Variants in PDE4D observed in about 807,000 individuals in gnomAD.
PDE4D encodes the protein 3',5'-cyclic-AMP phosphodiesterase 4D.
Under a neutral mutation model 87.4 loss-of-function variants are expected in PDE4D, and 24 were observed. The observed-to-expected ratio is 0.27, with a 90% CI of 0.20 to 0.39. The LOEUF (loss-of-function observed/expected upper bound fraction) is 0.39, where lower values mean the gene tolerates loss of function less well. Ranked by LOEUF, PDE4D falls within the 10% of genes least tolerant of loss-of-function variation. The pLI is 1.00. For synonymous variants in PDE4D, 384 were observed against 383.2 expected (o/e 1.00, Z -0.02); for missense variants, 714 against 1,041.0 (o/e 0.69, Z 4.32).
chr5:59,980,156 A>G (rs1761766288), intron 3 of PDE4D, among the ~76,000 whole-genome samples: 1 of 152,344 alleles, frequency 6.6e-6, no homozygotes, highest in Non-Finnish European at 1.5e-5. Flanking sequence ...TGTAAAACAG[A>G]ATAAAAAGGC....
intron 1 of PDE4D, among the ~76,000 whole-genome samples, chr5:60,469,347 C>A (rs1294227264): frequency 6.6e-6 from 1 of 152,002 alleles, no homozygotes; most frequent in Non-Finnish European, 1.5e-5. Context: ...GTCACCAGCT[C>A]CCCTTCATCT....
intron 1 of PDE4D, among the ~76,000 whole-genome samples, chr5:60,284,639 TC>T (rs774946153): frequency 1.3e-5 from 2 of 152,168 alleles, no homozygotes; most frequent in African/African-American, 2.4e-5. Flanking sequence ...CAGGACAGCC[TC>T]CCCATCACTA....
intron 1 of PDE4D, among the ~76,000 whole-genome samples, chr5:59,279,813 T>TTGTGTG (rs10664902): frequency 1.3e-4 from 19 of 148,364 alleles, no homozygotes; most frequent in African/African-American, 3.7e-4. Flanking sequence ...ATGTGTGTGT[T>TTGTGTG]TGTGTGTGTG....
chr5:59,795,998 G>A (rs994137120), intron 1 of PDE4D, among the ~76,000 whole-genome samples: 3 of 152,260 alleles, frequency 2.0e-5, no homozygotes, highest in Admixed American at 1.3e-4. Flanking sequence ...CTTGCCTCAC[G>A]GTTCTCAGAA....
At chr5:59,815,579 C>T (rs1456364920) in intron 1 of PDE4D, among the ~76,000 whole-genome samples, 1 of 152,160 alleles carries the variant, frequency 6.6e-6, no homozygotes, top group East Asian at 1.9e-4. Flanking sequence ...TGAGTTAATA[C>T]ATATAAAAGA....
At chr5:59,058,179 C>T (rs952291043) in intron 5 of PDE4D, among the ~76,000 whole-genome samples, 1 of 152,136 alleles carries the variant, frequency 6.6e-6, no homozygotes, top group Non-Finnish European at 1.5e-5. Context: ...GTTAAGGCTT[C>T]TTTTCTATAA....
At chr5:59,549,414 G>A (rs1312769716) in intron 1 of PDE4D, among the ~76,000 whole-genome samples, 2 of 152,214 alleles carry the variant, frequency 1.3e-5, no homozygotes, top group Non-Finnish European at 2.9e-5. Context: ...AGTGACATTC[G>A]TTTGATTAGA....
intron 1 of PDE4D, among the ~76,000 whole-genome samples, chr5:59,798,188 G>A (rs1206604843): frequency 6.6e-6 from 1 of 151,902 alleles, no homozygotes; most frequent in Admixed American, 6.6e-5. Flanking sequence ...AGCTGTGATT[G>A]CACCACTACA....
intron 2 of PDE4D, among the ~76,000 whole-genome samples, chr5:60,176,319 G>T (rs1783895017): frequency 6.6e-6 from 1 of 152,020 alleles, no homozygotes; most frequent in African/African-American, 2.4e-5. Flanking sequence ...GGAGTTGTTT[G>T]GTTGCCCTAC....
At chr5:59,258,244 C>T (rs1003618852) in intron 1 of PDE4D, among the ~76,000 whole-genome samples, 3 of 151,894 alleles carry the variant, frequency 2.0e-5, no homozygotes, top group Admixed American at 1.3e-4. Flanking sequence ...ATCTCTAGGA[C>T]ACACAGCCAC....
In PDE4D at chr5:60,322,567, CA is replaced by C. The variant is rs142227114; in HGVS notation, c.-89-136881del. On this transcript the variant is annotated intron_variant, in intron 1 of 16. Transcript: ENST00000502484. Reference sequence around the variant, plus strand: ...ATTCTCTTATCTTTCTCATACCAACCATGCAATTAAGGGCACTTCCGCAAAT... The same window carrying C: ...ATTCTCTTATCTTTCTCATACCAACCTGCAATTAAGGGCACTTCCGCAAAT... 2.5e-3 allele frequency among the ~76,000 whole-genome samples: 374 copies of C among 152,238 alleles called. 2 individuals are homozygous for C. The highest frequency in any genetic ancestry group is 7.0e-3 in the African/African-American group (289 of 41,538).
intron 1 of PDE4D, among the ~76,000 whole-genome samples, chr5:59,517,222 A>T (rs978077367): frequency 7.9e-5 from 12 of 152,246 alleles, no homozygotes; most frequent in Non-Finnish European, 1.5e-4. Context: ...TAGACAGGGC[A>T]TCTAACCCCC....
chr5:59,043,036 A>G (rs2153397562), intron 5 of PDE4D, among the ~76,000 whole-genome samples: 1 of 152,340 alleles, frequency 6.6e-6, no homozygotes, highest in South Asian at 2.1e-4. Flanking sequence ...AGGTAAAAGG[A>G]TCCACTGTAC....
In PDE4D at chr5:59,685,915, CAG is replaced by C. The variant is rs148699576; in HGVS notation, c.455+207251_455+207252del. On this transcript the variant is annotated intron_variant, in intron 1 of 14. Transcript: ENST00000340635. ...CAGCAGCAAGACTTACCCATCTGCA[CAG>C]AGTTTCAAAAATGGTGATGTACTTA... Among the ~76,000 whole-genome samples, 702 of 152,208 alleles carry C rather than the reference CAG, an allele frequency of 4.6e-3. 3 individuals are homozygous for C. The highest frequency in any genetic ancestry group is 0.016 in the African/African-American group (656 of 41,540).
chr5:60,253,562 TAA>T (rs1748717945), intron 1 of PDE4D, among the ~76,000 whole-genome samples: 1 of 151,848 alleles, frequency 6.6e-6, no homozygotes, highest in African/African-American at 2.4e-5. Flanking sequence ...AATTTTACAG[TAA>T]ACAGCTATTT....
intron 1 of PDE4D, among the ~76,000 whole-genome samples, chr5:60,278,649 T>C (rs1751597484): frequency 6.6e-6 from 1 of 152,060 alleles, no homozygotes; most frequent in South Asian, 2.1e-4. Context: ...CATTTTATTA[T>C]TTTTTTATCT....
At chr5:59,974,219 A>G (rs917813066) in intron 3 of PDE4D, among the ~76,000 whole-genome samples, 2 of 152,218 alleles carry the variant, frequency 1.3e-5, no homozygotes, top group Non-Finnish European at 2.9e-5. Flanking sequence ...TGCCAGAAAT[A>G]GTATTTAAGA....
intron 1 of PDE4D, among the ~76,000 whole-genome samples, chr5:59,890,254 T>TACACACACACACACACACAC (rs56258601): frequency 6.9e-6 from 1 of 145,374 alleles, no homozygotes; most frequent in African/African-American, 2.5e-5. Flanking sequence ...GGTGCGCACG[T>TACACACACACACACACACAC]ACACACACAC....
At chr5:59,501,216 G>C (rs1278245620) in intron 1 of PDE4D, among the ~76,000 whole-genome samples, 2 of 152,056 alleles carry the variant, frequency 1.3e-5, no homozygotes, top group African/African-American at 4.8e-5. Flanking sequence ...TTAGTTTTTA[G>C]TTGTTGTGTA....
Sources: allele counts gnomAD v4.1 joint callset (sites outside exome capture counted in the v4.1 genomes callset), GRCh38; gene constraint gnomAD v4.1.1; transcripts MANE v1.5; gene names NCBI Gene and HGNC (gene_info 2026-07-23, HGNC 2026-07-21).